ZNF366: variants seen among roughly 807,000 people sequenced by gnomAD.
ZNF366 encodes the protein dendritic cell-specific transcript protein.
Under a neutral mutation model 47.2 loss-of-function variants are expected in ZNF366, and 20 were observed. That is an observed-to-expected ratio of 0.42 (90% confidence interval 0.30 to 0.62). The LOEUF (loss-of-function observed/expected upper bound fraction) is 0.62. Ranked by LOEUF, ZNF366 falls within the 20% of genes least tolerant of loss-of-function variation. The probability of loss-of-function intolerance (pLI) is 0.16; values close to 1 mark genes in which losing one functional copy is unlikely to be tolerated. For missense variants in ZNF366, 987 were observed against 976.3 expected (o/e 1.01, Z -0.15); for synonymous variants, 421 against 395.1 (o/e 1.07, Z -0.78).
intron 1 of ZNF366, among the ~76,000 whole-genome samples, chr5:72,502,761 T>G (rs554957839): frequency 6.6e-6 from 1 of 152,354 alleles, no homozygotes; most frequent in Non-Finnish European, 1.5e-5. Context: ...GCTTAGTATC[T>G]GTGTTTTTCT....
At chr5:72,449,091 A>G (rs1402505983) in intron 3 of ZNF366, among the ~76,000 whole-genome samples, 2 of 152,192 alleles carry the variant, frequency 1.3e-5, no homozygotes, top group Non-Finnish European at 2.9e-5. Flanking sequence ...CTTTCTCAAG[A>G]AAAGCAATAT....
Position 72,460,418 on chromosome 5 carries a change from G to T in ZNF366, c.1079C>A (p.Ala360Asp). The change falls in exon 2 of 5, where the codon GCC becomes GAC. Residue 360 changes from alanine to aspartate, a missense_variant. By Grantham distance (126) the Ala-to-Asp change is moderately radical. Around this residue, in one of 3 missense-constraint regions of ZNF366, gnomAD observed 591 missense variants for 560.9 expected, o/e 1.05. Coordinates refer to ENST00000318442, the MANE Select transcript of ZNF366 (RefSeq NM_152625.3). The part of the protein sequence containing the change: ...SELKAHEAKH[A>D]SGRENICVEC... ...CACACAGATGTTCTCGCGCCCACTG[G>T]CGTGCTTGGCTTCGTGGGCCTTGAG... The T allele has an allele frequency of 6.2e-7, 1 of 1,614,216 alleles. No homozygotes were observed. Among genetic ancestry groups the T allele is most frequent in the Non-Finnish European group, 8.5e-7 (1 of 1,180,044 alleles).
At position 72,444,295 on chromosome 5, in the gene ZNF366, C is replaced by T. The variant is rs780564971; in HGVS notation, c.1700-4G>A. ...GCGATTCTCCCCCTTCCCAGACCTG[C>T]AAGAGCAGAGTAAGAATTCATGCAC... On this transcript the variant is annotated splice_region_variant and splice_polypyrimidine_tract_variant and intron_variant, in intron 4 of 4. Coordinates refer to ENST00000318442, the MANE Select transcript of ZNF366 (RefSeq NM_152625.3). 8 of 1,602,488 alleles carry T rather than the reference C, an allele frequency of 5.0e-6. No individual in the cohort carries two copies. Among genetic ancestry groups the T allele is most frequent in the East Asian group, 2.2e-5 (1 of 44,766 alleles).
intron 2 of ZNF366, among the ~76,000 whole-genome samples, chr5:72,457,815 C>T (rs1743220168): frequency 6.6e-6 from 1 of 151,984 alleles, no homozygotes; most frequent in African/African-American, 2.4e-5. Flanking sequence ...ACTGTCTAGT[C>T]CAGATGATGG....
At chr5:72,452,617 C>T (rs981603119) in intron 3 of ZNF366, among the ~76,000 whole-genome samples, 1 of 152,258 alleles carries the variant, frequency 6.6e-6, no homozygotes, top group Non-Finnish European at 1.5e-5. Flanking sequence ...TGGAACCCCT[C>T]TGCAGGGAGA....
At chr5:72,447,112 TA>T in intron 4 of ZNF366, 130 bp downstream of exon 4, 2 of 1,004,344 alleles carry the variant, frequency 2.0e-6, no homozygotes, top group Non-Finnish European at 2.9e-6. Context: ...AGTAACATTA[TA>T]AGGTTACTCT....
chr5:72,478,770 A>G (rs1369252048), intron 1 of ZNF366, among the ~76,000 whole-genome samples: 1 of 152,166 alleles, frequency 6.6e-6, no homozygotes. Flanking sequence ...CTGCCAGGGA[A>G]CTGGCCATTG....
intron 1 of ZNF366, among the ~76,000 whole-genome samples, chr5:72,503,974 G>A (rs987422872): frequency 1.3e-5 from 2 of 152,056 alleles, no homozygotes; most frequent in African/African-American, 4.8e-5. Context: ...ACAAACTAAC[G>A]GTCATACAGG....
At chr5:72,453,435 T>G (rs760645115) in intron 3 of ZNF366, among the ~76,000 whole-genome samples, 2 of 152,208 alleles carry the variant, frequency 1.3e-5, no homozygotes, top group Non-Finnish European at 2.9e-5. Context: ...GCCATGTCTC[T>G]CAGATGGCTG....
In ZNF366 at chr5:72,460,941, A is replaced by C. The variant is rs1743296022; in HGVS notation, c.556T>G (p.Phe186Val). ...YYPKVHPGLM[F>V]PFFVPSSSPF... ...GAGGACGAGGGCACGAAGAAGGGGA[A>C]CATGAGGCCCGGGTGGACTTTGGGG... Residue 186 changes from phenylalanine (F) to valine (V), a missense_variant, in exon 2 of 5, where the codon TTC becomes GTC. Transcript: ENST00000318442. 1 of 1,611,760 alleles carries C rather than the reference A, an allele frequency of 6.2e-7. No individual in the cohort carries two copies. Among genetic ancestry groups the C allele is most frequent in the African/African-American group, 1.3e-5 (1 of 74,824 alleles).
chr5:72,458,264 T>C (rs1165733579), intron 2 of ZNF366, among the ~76,000 whole-genome samples: 1 of 152,110 alleles, frequency 6.6e-6, no homozygotes, highest in Non-Finnish European at 1.5e-5. Flanking sequence ...GATCCGCCCG[T>C]CTCGGCCTCC....
intron 1 of ZNF366, among the ~76,000 whole-genome samples, chr5:72,501,689 G>A (rs530003999): frequency 2.6e-5 from 4 of 152,294 alleles, no homozygotes; most frequent in Non-Finnish European, 4.4e-5. Flanking sequence ...CCAGAGAGCT[G>A]AACACTTCCT....
chr5:72,473,011 C>T (rs903915274), intron 1 of ZNF366, among the ~76,000 whole-genome samples: 2 of 152,216 alleles, frequency 1.3e-5, no homozygotes, highest in Admixed American at 6.5e-5. Context: ...CCTCCCACAA[C>T]ACTGGGATCT....
intron 1 of ZNF366, among the ~76,000 whole-genome samples, chr5:72,482,680 G>T (rs1177718826): frequency 6.6e-6 from 1 of 151,866 alleles, no homozygotes; most frequent in African/African-American, 2.4e-5. Flanking sequence ...CCGGAGAGCT[G>T]TTGCCTTGTC....
rs1229999370 is a variant in ZNF366 at position 72,440,601 on chromosome 5, T to A, written c.*3155A>T. The A allele has an allele frequency of 1.3e-5, 2 of 152,226 alleles. No individual in the cohort carries two copies. Among genetic ancestry groups the A allele is most frequent in the Non-Finnish European group, 2.9e-5 (2 of 68,042 alleles). The allele number at this position is 152,226 out of a possible 1,614,324, so 9.4% of individuals were successfully genotyped here. A position where few individuals can be genotyped will look rare whatever the true frequency, so the allele number is the denominator to read the frequency against. On this transcript the variant is annotated 3_prime_UTR_variant, in exon 5 of 5. Transcript: ENST00000318442. Reference sequence around the variant, plus strand: ...TCTCCTTCAAGGCTTGCCTTCTGGTTCATCAGCTCATTAGGCAAGGCTGGC... The same window carrying A: ...TCTCCTTCAAGGCTTGCCTTCTGGTACATCAGCTCATTAGGCAAGGCTGGC...
In ZNF366 at chr5:72,441,809, A is replaced by G. The variant is rs1374419410; in HGVS notation, c.*1947T>C. 2.0e-5 allele frequency: 3 copies of G among 152,234 alleles called. No individual in the cohort carries two copies. The highest frequency in any genetic ancestry group is 4.8e-5 in the African/African-American group (2 of 41,454). The allele number at this position is 152,234 out of a possible 1,614,324, so 9.4% of individuals were successfully genotyped here. ...TAATAACCAGTACCTAGCTCTACAA[A>G]TACGAGTCAAAACTACCAAACAAGA... On this transcript the variant is annotated 3_prime_UTR_variant, in exon 5 of 5. Coordinates refer to ENST00000318442, the MANE Select transcript of ZNF366 (RefSeq NM_152625.3).
chr5:72,490,135 G>T (rs543900734), intron 1 of ZNF366, among the ~76,000 whole-genome samples: 1 of 152,194 alleles, frequency 6.6e-6, no homozygotes, highest in Non-Finnish European at 1.5e-5. Flanking sequence ...GGCTTCAAGA[G>T]TAGCTTCAAG....
chr5:72,484,300 C>T (rs1051657526), intron 1 of ZNF366, among the ~76,000 whole-genome samples: 1 of 151,210 alleles, frequency 6.6e-6, no homozygotes, highest in Non-Finnish European at 1.5e-5. Context: ...CCGGCTAAAA[C>T]GGTGAAACCC....
chr5:72,447,499 C>G, intron 3 of ZNF366, 82 bp from the exon 4 acceptor site: 1 of 1,494,260 alleles, frequency 6.7e-7, no homozygotes, highest in Non-Finnish European at 9.1e-7. Flanking sequence ...GATACCGTTT[C>G]TACTTTGTTT....
Sources: allele counts gnomAD v4.1 joint callset (sites outside exome capture counted in the v4.1 genomes callset), GRCh38; gene constraint gnomAD v4.1.1; regional missense constraint gnomAD v4.1.1; transcripts MANE v1.5; gene names NCBI Gene and HGNC (gene_info 2026-07-23, HGNC 2026-07-21).